CTNNA2: variants seen among roughly 807,000 people sequenced by gnomAD.
CTNNA2 encodes catenin alpha 2, also known as catenin alpha-2.
In CTNNA2, 42 loss-of-function variants were observed where a neutral mutation model predicts 101.0. The observed-to-expected ratio is 0.42, with a 90% CI of 0.32 to 0.54. CTNNA2 has a LOEUF of 0.54. Ranked by LOEUF, CTNNA2 falls within the 20% of genes least tolerant of loss-of-function variation. The pLI, the probability that CTNNA2 is intolerant of heterozygous loss-of-function variation, is 0.14. For synonymous variants in CTNNA2, 450 were observed against 456.4 expected, an observed-to-expected ratio of 0.99 and a Z score of 0.18; for missense variants, 871 against 1,223.1, an observed-to-expected ratio of 0.71 and a Z score of 4.29.
chr2:79,735,666 A>AT (rs1384032999), intron 2 of CTNNA2, among the ~76,000 whole-genome samples: 1 of 152,222 alleles, frequency 6.6e-6, no homozygotes, highest in Non-Finnish European at 1.5e-5. Context: ...ATTAATAAGT[A>AT]TAATACGTTA....
chr2:79,710,731 T>A (rs188679395), intron 2 of CTNNA2, among the ~76,000 whole-genome samples: 212 of 152,210 alleles, frequency 1.4e-3, no homozygotes, highest in African/African-American at 4.8e-3. Flanking sequence ...GTGTGTGTGA[T>A]GTGTGTCTGT....
chr2:79,340,833 CAAAAA>C (rs56276462), intron 3 of CTNNA2, among the ~76,000 whole-genome samples: 2 of 32,536 alleles, frequency 6.1e-5, no homozygotes, highest in East Asian at 2.2e-3. Flanking sequence ...GACTCAGTCT[CAAAAA>C]AAAAAAAAAA....
chr2:79,357,968 A>G (rs1677545460), intron 3 of CTNNA2, among the ~76,000 whole-genome samples: 1 of 152,036 alleles, frequency 6.6e-6, no homozygotes, highest in Non-Finnish European at 1.5e-5. Flanking sequence ...ACTCTATCTT[A>G]TTTTACTGGA....
intron 9 of CTNNA2, among the ~76,000 whole-genome samples, chr2:80,473,850 G>GC (rs1685508253): frequency 6.6e-6 from 1 of 152,150 alleles, no homozygotes; most frequent in Non-Finnish European, 1.5e-5. Flanking sequence ...ATGTGTGTTT[G>GC]TTTTTTGTCT....
chr2:79,629,874 A>G (rs1298987289), intron 1 of CTNNA2, among the ~76,000 whole-genome samples: 1 of 152,152 alleles, frequency 6.6e-6, no homozygotes, highest in African/African-American at 2.4e-5. Flanking sequence ...AGATTCCCAA[A>G]TGTATCAAAC....
At chr2:80,206,752 T>G (rs545328570) in intron 7 of CTNNA2, among the ~76,000 whole-genome samples, 1 of 152,336 alleles carries the variant, frequency 6.6e-6, no homozygotes, top group East Asian at 1.9e-4. Flanking sequence ...CTTGATATGG[T>G]TTTGGCCTGA....
chr2:79,477,028 A>T (rs1168142486), intron 4 of CTNNA2, among the ~76,000 whole-genome samples: 1 of 152,232 alleles, frequency 6.6e-6, no homozygotes, highest in African/African-American at 2.4e-5. Context: ...ACAATACAGA[A>T]CAAAAGTGTT....
chr2:80,087,874 CTT>C (rs374894233), intron 7 of CTNNA2, among the ~76,000 whole-genome samples: 2 of 151,338 alleles, frequency 1.3e-5, no homozygotes, highest in Non-Finnish European at 1.5e-5. Flanking sequence ...CTCTCTCTCT[CTT>C]TTTCTCTCCC....
intron 7 of CTNNA2, among the ~76,000 whole-genome samples, chr2:80,159,685 G>C (rs1469226346): frequency 2.6e-5 from 4 of 152,040 alleles, no homozygotes; most frequent in African/African-American, 9.7e-5. Flanking sequence ...TGTTGGTCAG[G>C]CTGGTCTCGA....
intron 3 of CTNNA2, among the ~76,000 whole-genome samples, chr2:79,839,015 G>GT (rs202231145): frequency 2.0e-5 from 3 of 151,968 alleles, no homozygotes; most frequent in Non-Finnish European, 4.4e-5. Context: ...ACTGGGCAAA[G>GT]TTTTTTTATA....
intron 7 of CTNNA2, among the ~76,000 whole-genome samples, chr2:80,049,605 T>C (rs1696742069): frequency 6.6e-6 from 1 of 152,158 alleles, no homozygotes. Context: ...TCCAGTTCAC[T>C]CATGGCCGGT....
chr2:80,006,359 T>TAAA (rs5832428), intron 7 of CTNNA2, among the ~76,000 whole-genome samples: 31 of 139,040 alleles, frequency 2.2e-4, no homozygotes, highest in East Asian at 1.0e-3. Context: ...AGAAGTGCAG[T>TAAA]AAAAAAAAAA....
At chr2:79,897,976 A>T (rs1441549612) in intron 6 of CTNNA2, among the ~76,000 whole-genome samples, 2 of 152,158 alleles carry the variant, frequency 1.3e-5, no homozygotes, top group Non-Finnish European at 2.9e-5. Context: ...GAGGAGCCTT[A>T]TGTCCCAATC....
chr2:79,817,316 CT>C lies in CTNNA2; in HGVS notation c.299-40671del, dbSNP rs550422225. Reference sequence around the variant, plus strand: ...TGCAGAATAATGTATTTCTCTCTCACTTTTTTTTTTTTTTTTTTTTTTTTTT... The same window carrying C: ...TGCAGAATAATGTATTTCTCTCTCACTTTTTTTTTTTTTTTTTTTTTTTTT... On this transcript the variant is annotated intron_variant, in intron 3 of 18. Coordinates refer to ENST00000402739, the MANE Select transcript of CTNNA2 (RefSeq NM_001282597.3). 9.9e-3 allele frequency among the ~76,000 whole-genome samples: 730 copies of C among 73,800 alleles called. 4 individuals carry two copies. The highest frequency in any genetic ancestry group is 0.02 in the African/African-American group (422 of 21,198). 48.4% of individuals were successfully genotyped at this position (73,800 alleles called of 152,430 possible). A position where few individuals can be genotyped will look rare whatever the true frequency, so the allele number is the denominator to read the frequency against.
chr2:80,057,827 A>G (rs914835194), intron 7 of CTNNA2, among the ~76,000 whole-genome samples: 1 of 152,202 alleles, frequency 6.6e-6, no homozygotes, highest in Non-Finnish European at 1.5e-5. Flanking sequence ...GGGCCATGAT[A>G]CTTTCATGCA....
chr2:79,713,342 A>G (rs1305817796), intron 2 of CTNNA2, among the ~76,000 whole-genome samples: 1 of 152,162 alleles, frequency 6.6e-6, no homozygotes, highest in African/African-American at 2.4e-5. Context: ...TCTACTCGGG[A>G]GGCTGAGGTG....
intron 7 of CTNNA2, among the ~76,000 whole-genome samples, chr2:80,373,065 G>T (rs1369259807): frequency 6.6e-6 from 1 of 152,176 alleles, no homozygotes; most frequent in Non-Finnish European, 1.5e-5. Flanking sequence ...TGATTGTGTT[G>T]CCATGGCCCA....
intron 2 of CTNNA2, among the ~76,000 whole-genome samples, chr2:79,227,071 C>T (rs1674425829): frequency 6.6e-6 from 1 of 152,182 alleles, no homozygotes; most frequent in African/African-American, 2.4e-5. Context: ...TGAAAATATA[C>T]CTGGGAGGGT....
chr2:79,724,879 C>T (rs928065783), intron 2 of CTNNA2, among the ~76,000 whole-genome samples: 2 of 149,566 alleles, frequency 1.3e-5, no homozygotes, highest in African/African-American at 4.9e-5. Context: ...GACTTAGAGG[C>T]TTGTCTGCAG....
Sources: allele counts gnomAD v4.1 joint callset (sites outside exome capture counted in the v4.1 genomes callset), GRCh38; gene constraint gnomAD v4.1.1; transcripts MANE v1.5; gene names NCBI Gene and HGNC (gene_info 2026-07-23, HGNC 2026-07-21).